UVSSA: variants seen among roughly 807,000 people sequenced by gnomAD.
UVSSA encodes UV stimulated scaffold protein A.
UVSSA carries 72 observed loss-of-function variants against 73.9 expected under a neutral mutation model. That is an observed-to-expected ratio of 0.97 (90% CI 0.81 to 1.19). The LOEUF (loss-of-function observed/expected upper bound fraction) is 1.19. Ranked by LOEUF, UVSSA falls within the 50% of genes most tolerant of loss-of-function variation. UVSSA has a pLI of 0.00. For missense variants in UVSSA, 1,150 were observed against 965.0 expected, an observed-to-expected ratio of 1.19 and a Z score of -2.54; for synonymous variants, 454 against 391.3, an observed-to-expected ratio of 1.16 and a Z score of -1.89.
chr4:1,380,105 G>A lies in UVSSA; in HGVS notation c.1627G>A (p.Ala543Thr), dbSNP rs760605223. 6.2e-7 allele frequency: 1 copy of A among 1,612,692 alleles called. No homozygotes were observed. The highest frequency in any genetic ancestry group is 1.1e-5 in the South Asian group (1 of 90,932). ...CGAGGTGGAGGAGGAAGTGGTCAAT[G>A]CCGACATCTCCGAGATGCTCCGGAG... The part of the protein sequence containing the change: ...PSEVEEEVVN[A>T]DISEMLRSRH... The change falls in exon 11 of 14, where the codon GCC becomes ACC. Residue 543 changes from alanine (A) to threonine (T), a missense_variant. Ala to Thr is a moderately conservative substitution (Grantham distance 58). Coordinates refer to ENST00000389851, the MANE Select transcript of UVSSA (RefSeq NM_020894.4).
intron 12 of UVSSA, among the ~76,000 whole-genome samples, chr4:1,383,326 CAGGG>C (rs1322855529): frequency 5.9e-5 from 9 of 152,252 alleles, no homozygotes; most frequent in African/African-American, 1.9e-4. Flanking sequence ...GCGTGTCCAG[CAGGG>C]CCACAGTTTG....
chr4:1,357,556 C>T (rs981502932), intron 7 of UVSSA, among the ~76,000 whole-genome samples: 25 of 152,352 alleles, frequency 1.6e-4, no homozygotes, highest in African/African-American at 4.3e-4. Context: ...TGCCGTTCCC[C>T]GAGTCAGGAC....
intron 7 of UVSSA, among the ~76,000 whole-genome samples, chr4:1,357,705 T>TTCAGC (rs61055337): frequency 0.47 from 70,880 of 151,938 alleles, 20,845 homozygotes; most frequent in African/African-American, 0.82. Context: ...TTCATGAGTG[T>TTCAGC]TCAGCTCAGC....
chr4:1,380,155 G>A lies in UVSSA; in HGVS notation c.1677G>A (p.Lys559=), dbSNP rs1226068175. 1.9e-6 allele frequency: 3 copies of A among 1,613,146 alleles called. No homozygotes were observed. Among genetic ancestry groups the A allele is most frequent in the Admixed American group, 1.7e-5 (1 of 60,008 alleles). The change falls in exon 11 of 14, where the codon AAG becomes AAA. Residue 559 remains lysine (K), a synonymous_variant. Coordinates refer to ENST00000389851, the MANE Select transcript of UVSSA (RefSeq NM_020894.4). ...LRSRHITFAG[K]FEPVQHWCRA... ...GCCGCCACATCACTTTTGCCGGGAAGTTTGAGCCTGTGCAGCACTGGTGCC... is the reference window on the plus strand; with the variant it reads ...GCCGCCACATCACTTTTGCCGGGAAATTTGAGCCTGTGCAGCACTGGTGCC...
At chr4:1,385,153 A>G (rs999258826) in intron 13 of UVSSA, 1 of 152,290 alleles carries the variant, frequency 6.6e-6, no homozygotes, top group African/African-American at 2.4e-5. Context: ...CCATGGCAGG[A>G]GCTGGCTCTT....
chr4:1,394,513 T>C (rs541517316), exon 14 of UVSSA: 10 of 1,607,212 alleles, frequency 6.2e-6, no homozygotes, highest in African/African-American at 1.4e-5. Flanking sequence ...GCACCTCTTA[T>C]GCATGAGCCC....
rs140839981 is a variant in UVSSA at position 1,383,795 on chromosome 4, G to A, written c.1891G>A (p.Val631Met). 2.0e-5 allele frequency: 33 copies of A among 1,613,428 alleles called. No individual in the cohort carries two copies. The East Asian group carries it at 5.1e-4, about 25-fold the overall frequency. Residue 631 changes from valine (V) to methionine (M), a missense_variant, in exon 13 of 14, where the codon GTG (valine) becomes ATG (methionine). Transcript: ENST00000389851. ...GCAGGACCCTGAGTTGATGAGAGACGTGGAAGCAGCCACAGGGCAGGATCT... is the reference window on the plus strand; with the variant it reads ...GCAGGACCCTGAGTTGATGAGAGACATGGAAGCAGCCACAGGGCAGGATCT... The part of the protein sequence containing the change: ...EWQDPELMRD[V>M]EAATGQDLGS...
chr4:1,345,644 C>CAAAAAAA (rs71168831), upstream of UVSSA, among the ~76,000 whole-genome samples: 155 of 55,952 alleles, frequency 2.8e-3, 17 homozygotes, highest in African/African-American at 0.013. Context: ...GACTTTGTCT[C>CAAAAAAA]AAAAAAAAAA....
chr4:1,389,246 A>G (rs1720344951), downstream of UVSSA: 1 of 152,252 alleles, frequency 6.6e-6, no homozygotes, highest in South Asian at 2.1e-4. Context: ...CCCAGGCTGG[A>G]GTGCAGTGGT....
At chr4:1,350,259 G>C (rs920119470) in intron 3 of UVSSA, among the ~76,000 whole-genome samples, 2 of 152,162 alleles carry the variant, frequency 1.3e-5, no homozygotes, top group African/African-American at 2.4e-5. Flanking sequence ...CCTACTATGG[G>C]CTCGGGCTGG....
At chr4:1,345,552 G>A (rs1713597605), upstream of UVSSA, among the ~76,000 whole-genome samples, 1 of 149,570 alleles carries the variant, frequency 6.7e-6, no homozygotes. Context: ...GGCTGAGGCA[G>A]GAGAATCGTT....
intron 13 of UVSSA, chr4:1,384,256 C>G: frequency 2.7e-6 from 1 of 369,144 alleles, no homozygotes; most frequent in Non-Finnish European, 5.0e-6. Context: ...GCAGAGTGAG[C>G]CCCTCGTCTC....
At chr4:1,354,986 G>A in intron 6 of UVSSA, 131 bp from the exon 7 acceptor site, 1 of 1,529,252 alleles carries the variant, frequency 6.5e-7, no homozygotes, top group Admixed American at 2.0e-5. Flanking sequence ...CTCACCCGCA[G>A]CTTTGTCCTC....
At chr4:1,374,375 G>A (rs1718493226) in intron 8 of UVSSA, among the ~76,000 whole-genome samples, 1 of 152,232 alleles carries the variant, frequency 6.6e-6, no homozygotes, top group Admixed American at 6.5e-5. Flanking sequence ...CGCCCTGACC[G>A]AGAGGCGCCG....
intron 8 of UVSSA, among the ~76,000 whole-genome samples, chr4:1,373,393 G>A (rs1328252873): frequency 6.6e-6 from 1 of 152,174 alleles, no homozygotes; most frequent in Admixed American, 6.5e-5. Flanking sequence ...TTCGTTGGCA[G>A]CTGACTAGAT....
intron 2 of UVSSA, 93 bp from the exon 3 acceptor site, chr4:1,349,431 C>T: frequency 8.0e-7 from 1 of 1,251,062 alleles, no homozygotes; most frequent in Non-Finnish European, 1.1e-6. Context: ...GTGGTCCCTG[C>T]CACACGTGCG....
At chr4:1,346,508 C>T (rs533269417), upstream of UVSSA, among the ~76,000 whole-genome samples, 2 of 152,320 alleles carry the variant, frequency 1.3e-5, no homozygotes, top group East Asian at 1.9e-4. Flanking sequence ...GGCGCCTCTG[C>T]TTCTCATTCC....
exon 14 of UVSSA, chr4:1,395,557 G>A: frequency 1.3e-6 from 2 of 1,598,580 alleles, no homozygotes. Context: ...GTGCCCATGT[G>A]GAGTGCCCGC....
downstream of UVSSA, chr4:1,389,872 A>G (rs1439954579): frequency 6.6e-6 from 1 of 151,296 alleles, no homozygotes; most frequent in Non-Finnish European, 1.5e-5. Flanking sequence ...TCTCTCTTTT[A>G]CTCCCCTTAG....
Sources: allele counts gnomAD v4.1 joint callset (sites outside exome capture counted in the v4.1 genomes callset), GRCh38; gene constraint gnomAD v4.1.1; transcripts MANE v1.5; gene names NCBI Gene and HGNC (gene_info 2026-07-23, HGNC 2026-07-21).